The following SH2D6 variants were observed in gnomAD, a reference collection of about 807,000 sequenced individuals.
SH2D6 encodes the protein SH2 domain containing 6.
Under a neutral mutation model 30.2 loss-of-function variants are expected in SH2D6, and 31 were observed. The ratio of observed to expected loss-of-function variants is 1.03; its 90% confidence interval spans 0.77 to 1.38. The LOEUF is 1.38. Among genes scored for constraint, SH2D6 ranks in the 40% most tolerant of loss-of-function variants. The probability of loss-of-function intolerance (pLI) is 0.00; values close to 1 mark genes in which losing one functional copy is unlikely to be tolerated. For synonymous variants in SH2D6, 93 were observed against 104.6 expected (o/e 0.89, Z 0.68); for missense variants, 240 against 266.8 (o/e 0.90, Z 0.70).
rs2104945167 is a variant in SH2D6 at position 85,434,867 on chromosome 2, T to TCA, written c.590-194_590-193dup. On this transcript the variant is annotated intron_variant, in intron 19 of 23. Transcript: ENST00000469800. ...CCCAAGATCACGCCTCATTTGGAGG[T>TCA]CACACGAGGCCTGGCTGGTGGGTCC... 5 of 1,522,594 alleles carry TCA rather than the reference T, an allele frequency of 3.3e-6. No individual in the cohort carries two copies. The East Asian group carries it at 1.2e-4, about 36-fold the overall frequency. The allele number at this position is 1,522,594 out of a possible 1,614,324, so 94.3% of individuals were successfully genotyped here.
At chr2:85,423,685 C>G (rs1461890210) in intron 5 of SH2D6, among the ~76,000 whole-genome samples, 1 of 152,258 alleles carries the variant, frequency 6.6e-6, no homozygotes, top group Non-Finnish European at 1.5e-5. Context: ...CTCGCTCTGT[C>G]AGCCCTTCAT....
At chr2:85,432,611 A>G (rs1440765988) in intron 14 of SH2D6, among the ~76,000 whole-genome samples, 2 of 152,038 alleles carry the variant, frequency 1.3e-5, no homozygotes, top group Admixed American at 1.3e-4. Context: ...CGTGTTAGCC[A>G]GGATGGTCTC....
chr2:85,434,361 A>G lies in SH2D6; in HGVS notation c.555A>G (p.Glu185=). The G allele has an allele frequency of 6.5e-7, 1 of 1,549,112 alleles. No individual in the cohort carries two copies. The highest frequency in any genetic ancestry group is 8.7e-7 in the Non-Finnish European group (1 of 1,145,866). ...ACAGGCCTACCACAGCCCCCCAGGA[A>G]ACTCGGAATGTAAGAGGCTGATGGT... The part of the protein sequence containing the change: ...VVPRPTTAPQ[E]TRNGTADAAS... The change falls in exon 18 of 24, where the codon GAA becomes GAG. Residue 185 remains glutamate (E), a synonymous_variant. Transcript: ENST00000469800.
intron 21 of SH2D6, 48 bp downstream of exon 21, chr2:85,435,544 C>T: frequency 6.2e-7 from 1 of 1,602,210 alleles, no homozygotes; most frequent in Non-Finnish European, 8.5e-7. Context: ...CTTTTGCTCA[C>T]AGGCTGTGGC....
chr2:85,435,356 T>C, intron 20 of SH2D6, 57 bp from the exon 21 acceptor site: 1 of 1,573,156 alleles, frequency 6.4e-7, no homozygotes, highest in Non-Finnish European at 8.7e-7. Context: ...GGTCCTCGGC[T>C]CCGCATGCCT....
intron 17 of SH2D6, 104 bp from the exon 18 acceptor site, chr2:85,434,236 G>T: frequency 6.6e-7 from 1 of 1,508,706 alleles, no homozygotes; most frequent in East Asian, 2.5e-5. Context: ...TCCCATGGTT[G>T]TTGGCAGTGG....
At chr2:85,419,276 C>T (rs62162754) in intron 2 of SH2D6, 32 bp downstream of exon 2, 25,444 of 152,282 alleles carry the variant, frequency 0.17, 2,532 homozygotes, top group Non-Finnish European at 0.24. Context: ...GAGGTAATAA[C>T]CAGGGCGCTC....
At chr2:85,432,819 G>A (rs1192778980) in intron 14 of SH2D6, among the ~76,000 whole-genome samples, 1 of 152,244 alleles carries the variant, frequency 6.6e-6, no homozygotes, top group Non-Finnish European at 1.5e-5. Flanking sequence ...TTACAGGCAT[G>A]AGCCACTGTG....
chr2:85,434,956 A>G, intron 19 of SH2D6, 109 bp from the exon 20 acceptor site: 2 of 1,597,176 alleles, frequency 1.3e-6, no homozygotes, highest in Non-Finnish European at 1.7e-6. Flanking sequence ...GCTCGGGGCC[A>G]TGTACGCCTC....
intron 20 of SH2D6, 30 bp downstream of exon 20, chr2:85,435,153 G>C (rs1369176543): frequency 6.2e-7 from 1 of 1,602,660 alleles, no homozygotes; most frequent in African/African-American, 1.3e-5. Context: ...AGGCTGTAGG[G>C]AGAGGTTCCG....
At chr2:85,435,366 T>C (rs1573254495) in intron 20 of SH2D6, 47 bp from the exon 21 acceptor site, 1 of 1,593,122 alleles carries the variant, frequency 6.3e-7, no homozygotes, top group South Asian at 1.1e-5. Flanking sequence ...TCCGCATGCC[T>C]GATTGAGTGC....
rs1049252444 is a variant in SH2D6 at position 85,423,085 on chromosome 2, G to A, written c.-309+395G>A. ...GTATTTTTAGTAGAGACAGGGTTTC[G>A]CCATGTTGGCCAGGCTGGTCTCGAA... On this transcript the variant is annotated intron_variant, in intron 5 of 23. Transcript: ENST00000469800. Among the ~76,000 whole-genome samples, 6 of 152,218 alleles carry A rather than the reference G, an allele frequency of 3.9e-5. No homozygotes were observed. The East Asian group carries it at 5.8e-4, about 15-fold the overall frequency.
chr2:85,432,699 C>A (rs190702901), intron 14 of SH2D6, among the ~76,000 whole-genome samples: 1 of 151,776 alleles, frequency 6.6e-6, no homozygotes, highest in African/African-American at 2.4e-5. Context: ...CGCGCCCGGC[C>A]GAATTTTTGT....
intron 23 of SH2D6, 46 bp from the exon 24 acceptor site, chr2:85,436,791 C>T (rs1689511980): frequency 3.7e-6 from 2 of 542,938 alleles, no homozygotes; most frequent in Admixed American, 3.2e-5. Flanking sequence ...TTCCACTGCC[C>T]TCTCTGTTGC....
Position 85,433,592 on chromosome 2 carries a change from C to T in SH2D6, c.415C>T (p.Pro139Ser), listed in dbSNP as rs895330774. The change falls in exon 16 of 24, where the codon CCT becomes TCT. Residue 139 changes from proline to serine, a missense_variant. Pro to Ser is a moderately conservative substitution (Grantham distance 74). Coordinates refer to ENST00000469800, the MANE Select transcript of SH2D6 (RefSeq NM_001394463.1). ...SRVVPGPPKK[P>S]DEDLYLECEP... is the part of the protein sequence containing the mutation. ...TTAGGTGCCAGGCCCTCCAAAGAAA[C>T]CTGATGAGGACCTCTACTTGGAATG... The T allele has an allele frequency of 1.0e-6, 1 of 1,001,376 alleles. No homozygotes were observed. Among genetic ancestry groups the T allele is most frequent in the Non-Finnish European group, 1.2e-6 (1 of 839,904 alleles). 62.0% of individuals were successfully genotyped at this position (1,001,376 alleles called of 1,614,324 possible). A position where few individuals can be genotyped will look rare whatever the true frequency, so the allele number is the denominator to read the frequency against.
chr2:85,434,950 G>A lies in SH2D6; in HGVS notation c.590-115G>A, dbSNP rs753512606. 85 of 1,599,512 alleles carry A rather than the reference G, an allele frequency of 5.3e-5. 1 individual carries two copies. In the South Asian group the frequency reaches 6.4e-4, roughly 12 times the overall value. On this transcript the variant is annotated intron_variant, in intron 19 of 23. Coordinates refer to ENST00000469800, the MANE Select transcript of SH2D6 (RefSeq NM_001394463.1). ...GCACTGGGTGCCGGGGTTTGGGCTC[G>A]GGGCCATGTACGCCTCCTCCTACCC...
At chr2:85,425,027 C>T (rs1269787494) in intron 5 of SH2D6, among the ~76,000 whole-genome samples, 1 of 152,092 alleles carries the variant, frequency 6.6e-6, no homozygotes. Context: ...GATCGTGCCA[C>T]TGCACTCCAG....
chr2:85,435,231 C>A, intron 20 of SH2D6, 108 bp downstream of exon 20: 2 of 1,314,388 alleles, frequency 1.5e-6, no homozygotes, highest in East Asian at 2.4e-5. Context: ...TGCAAGAACA[C>A]ATTGAACACA....
At position 85,436,530 on chromosome 2, in the gene SH2D6, GAC is replaced by G; in HGVS notation, c.960_961del (p.His320GlnfsTer63). On this transcript the variant is annotated frameshift_variant, in exon 23 of 24. Transcript: ENST00000469800. LOFTEE classifies it high-confidence loss of function. ...TGGCACCCTCTGCCCCTTGTGGACA[GAC>G]ACAGCGGCAGCCGGGAACTCACCTG... is the stretch of plus-strand genomic sequence containing the variant. 1 of 1,613,770 alleles carries G rather than the reference GAC, an allele frequency of 6.2e-7. No individual in the cohort carries two copies. Among genetic ancestry groups the G allele is most frequent in the Non-Finnish European group, 8.5e-7 (1 of 1,180,018 alleles).
Sources: gnomAD v4.1 joint callset for allele counts (sites outside exome capture counted in the v4.1 genomes callset) on GRCh38, gnomAD v4.1.1 for gene constraint, MANE v1.5 for transcripts, NCBI Gene and HGNC (gene_info 2026-07-23, HGNC 2026-07-21) for gene names.